The following PLOD2 variants were observed in gnomAD, a reference collection of about 807,000 sequenced individuals.
PLOD2 encodes the protein procollagen-lysine,2-oxoglutarate 5-dioxygenase 2.
Under a neutral mutation model 101.0 loss-of-function variants are expected in PLOD2, and 65 were observed. That is an observed-to-expected ratio of 0.64 (90% confidence interval 0.53 to 0.79). The LOEUF (loss-of-function observed/expected upper bound fraction) is 0.79, where lower values mean the gene tolerates loss of function less well. Ranked by LOEUF, PLOD2 falls within the 30% of genes least tolerant of loss-of-function variation. PLOD2 has a pLI of 0.00. For synonymous variants in PLOD2, 314 were observed against 302.9 expected, an observed-to-expected ratio of 1.04 and a Z score of -0.38; for missense variants, 909 against 914.6, an observed-to-expected ratio of 0.99 and a Z score of 0.08.
At chr3:146,151,093 A>C (rs922743218) in intron 1 of PLOD2, among the ~76,000 whole-genome samples, 13 of 152,356 alleles carry the variant, frequency 8.5e-5, no homozygotes, top group African/African-American at 2.6e-4. Context: ...AACACAAAAC[A>C]ACCTTATATC....
chr3:146,091,951 G>A (rs767846379), intron 7 of PLOD2, 50 bp from the exon 8 acceptor site: 1 of 957,086 alleles, frequency 1.0e-6, no homozygotes, highest in Admixed American at 1.7e-5. Context: ...TCTCATCGGT[G>A]TGGTTTCATT....
intron 17 of PLOD2, among the ~76,000 whole-genome samples, chr3:146,072,358 C>T (rs537951567): frequency 1.3e-5 from 2 of 151,760 alleles, no homozygotes; most frequent in East Asian, 3.9e-4. Context: ...ATGAGAAACC[C>T]GCCCAAACTA....
At chr3:146,073,188 T>A (rs573304233) in intron 16 of PLOD2, 99 bp downstream of exon 16, 139 of 565,946 alleles carry the variant, frequency 2.5e-4, no homozygotes, top group Middle Eastern at 3.4e-4. Flanking sequence ...TAAAAGGTAG[T>A]TTCTCCACTT....
chr3:146,097,408 G>A (rs1360667300), intron 7 of PLOD2, among the ~76,000 whole-genome samples: 4 of 126,266 alleles, frequency 3.2e-5, no homozygotes, highest in Non-Finnish European at 5.0e-5. Flanking sequence ...CCGGGTCTGT[G>A]TGGATAGAAG....
Position 146,070,845 on chromosome 3 carries a change from T to C in PLOD2, c.2149A>G (p.Asn717Asp), listed in dbSNP as rs769059398. The change falls in exon 20 of 20, where the codon AAT becomes GAT. Residue 717 changes from asparagine (N) to aspartate (D), a missense_variant. By Grantham distance (23) the Asn-to-Asp change is conservative. Transcript: ENST00000282903. Reference protein sequence around the residue: ...QGGGCKFLRYNCSIESPRKGW... With the variant: ...QGGGCKFLRYDCSIESPRKGW... ...TTTCGTGGTGACTCAATAGAGCAAT[T>C]GTACCTTAGAAATTTGCAACCACCT... The C allele has an allele frequency of 5.6e-6, 9 of 1,610,612 alleles. No individual in the cohort carries two copies. Among genetic ancestry groups the C allele is most frequent in the Non-Finnish European group, 6.8e-6 (8 of 1,177,748 alleles).
chr3:146,083,623 C>T (rs1039799226), intron 11 of PLOD2, among the ~76,000 whole-genome samples: 6 of 147,750 alleles, frequency 4.1e-5, no homozygotes, highest in Admixed American at 3.4e-4. Context: ...GCTGTGTCGC[C>T]CAGGCTAGAG....
chr3:146,121,636 A>G (rs2030163293), intron 2 of PLOD2, among the ~76,000 whole-genome samples: 1 of 152,140 alleles, frequency 6.6e-6, no homozygotes, highest in Admixed American at 6.6e-5. Context: ...ATTGAAGCTC[A>G]GTGACTCCTT....
chr3:146,088,281 G>A (rs1477218722), intron 9 of PLOD2, among the ~76,000 whole-genome samples: 2 of 151,502 alleles, frequency 1.3e-5, no homozygotes, highest in East Asian at 3.9e-4. Flanking sequence ...CTAACCCAAA[G>A]GCAAAGGGAT....
intron 1 of PLOD2, among the ~76,000 whole-genome samples, chr3:146,149,533 G>A (rs760275002): frequency 3.3e-5 from 5 of 151,894 alleles, no homozygotes; most frequent in Admixed American, 1.3e-4. Flanking sequence ...GAAGGAGCCC[G>A]GTTTTTTAGG....
Position 146,091,864 on chromosome 3 carries a change from G to A in PLOD2, c.815C>T (p.Ser272Leu), listed in dbSNP as rs752075592. Residue 272 changes from serine to leucine, a missense_variant, in exon 8 of 20, where the codon TCA becomes TTA. Transcript: ENST00000282903. ...LNYFGNYVPN[S>L]WTQDNGCTLC... ...AGTGCAGCCATTATCCTGTGTCCAT[G>A]AATTGGGTACATAGTTTCCAAAATA... The A allele has an allele frequency of 2.5e-6, 4 of 1,605,442 alleles. No individual in the cohort carries two copies. In the East Asian group the frequency reaches 6.7e-5, roughly 27 times the overall value.
chr3:146,093,896 T>G (rs985992870), intron 7 of PLOD2, among the ~76,000 whole-genome samples: 2 of 152,182 alleles, frequency 1.3e-5, no homozygotes, highest in Non-Finnish European at 2.9e-5. Flanking sequence ...CCTCTGCTTT[T>G]TATCTCAATT....
At chr3:146,100,013 C>T (rs530480596) in intron 7 of PLOD2, among the ~76,000 whole-genome samples, 1 of 151,654 alleles carries the variant, frequency 6.6e-6, no homozygotes, top group African/African-American at 2.4e-5. Flanking sequence ...TCTACAGTAG[C>T]TGGGATTAAA....
chr3:146,070,640 T>A lies in PLOD2; in HGVS notation c.*77A>T. On this transcript the variant is annotated 3_prime_UTR_variant, in exon 20 of 20. Transcript: ENST00000282903. ...TTATTTAAATATTCCTCTCATCTTC[T>A]CAGCCACAACTTCAAAGACGTGTTC... 1.1e-6 allele frequency: 1 copy of A among 948,382 alleles called. No individual in the cohort carries two copies. The highest frequency in any genetic ancestry group is 1.5e-5 in the South Asian group (1 of 67,774). 58.7% of individuals were successfully genotyped at this position (948,382 alleles called of 1,614,324 possible).
chr3:146,133,395 C>G (rs1454087129), intron 1 of PLOD2, among the ~76,000 whole-genome samples: 1 of 152,018 alleles, frequency 6.6e-6, no homozygotes, highest in Admixed American at 6.6e-5. Flanking sequence ...ACATATGAAC[C>G]ATATAATTTT....
intron 6 of PLOD2, among the ~76,000 whole-genome samples, chr3:146,103,243 T>C (rs1014850122): frequency 6.6e-6 from 1 of 152,202 alleles, no homozygotes; most frequent in Non-Finnish European, 1.5e-5. Flanking sequence ...GTCTGTCTTT[T>C]AGGGTTATTA....
chr3:146,100,483 A>G (rs1334561146), intron 7 of PLOD2, among the ~76,000 whole-genome samples: 3 of 152,196 alleles, frequency 2.0e-5, no homozygotes, highest in Non-Finnish European at 4.4e-5. Context: ...ACAAAAGCAT[A>G]CAAGAGACCC....
In PLOD2 at chr3:146,154,259, T is replaced by C. The variant is rs185270306; in HGVS notation, c.109+6622A>G. On this transcript the variant is annotated intron_variant, in intron 1 of 19. Coordinates refer to ENST00000282903, the MANE Select transcript of PLOD2 (RefSeq NM_182943.3). The stretch of plus-strand genomic sequence containing the variant: ...ACAGTAATAATCATGTTCTTTATTG[T>C]ATTCAAACTTGAAATACGGTTTTTT... Among the ~76,000 whole-genome samples, 4 of 152,330 alleles carry C rather than the reference T, an allele frequency of 2.6e-5. No individual in the cohort carries two copies. The East Asian group carries it at 7.7e-4, about 29-fold the overall frequency.
At chr3:146,125,650 G>C (rs1024307213) in intron 1 of PLOD2, among the ~76,000 whole-genome samples, 2 of 152,094 alleles carry the variant, frequency 1.3e-5, no homozygotes, top group Non-Finnish European at 2.9e-5. Context: ...AAGAGGCTGA[G>C]ATAGGAGAAT....
intron 1 of PLOD2, among the ~76,000 whole-genome samples, chr3:146,137,051 C>A (rs1009975983): frequency 6.6e-6 from 1 of 152,102 alleles, no homozygotes; most frequent in Non-Finnish European, 1.5e-5. Flanking sequence ...TTCTGAATTA[C>A]CAAACTTATG....
Sources: gnomAD v4.1 joint callset for allele counts (sites outside exome capture counted in the v4.1 genomes callset) on GRCh38, gnomAD v4.1.1 for gene constraint, MANE v1.5 for transcripts, NCBI Gene and HGNC (gene_info 2026-07-23, HGNC 2026-07-21) for gene names.